Variants in ARGFX observed in about 807,000 individuals in gnomAD.
ARGFX encodes arginine-fifty homeobox.
Under a neutral mutation model 8.0 loss-of-function variants are expected in ARGFX, and 10 were observed. That is an observed-to-expected ratio of 1.25 (90% CI 0.77 to 2.12). The LOEUF is 2.12. Ranked by LOEUF, ARGFX falls within the 30% of genes most tolerant of loss-of-function variation. ARGFX has a pLI of 0.00. For missense variants in ARGFX, 282 were observed against 324.3 expected (o/e 0.87, Z 1.00); for synonymous variants, 116 against 117.8 (o/e 0.98, Z 0.10).
intron 2 of ARGFX, among the ~76,000 whole-genome samples, chr3:121,575,420 T>G (rs955518143): frequency 6.6e-6 from 1 of 152,152 alleles, no homozygotes; most frequent in Non-Finnish European, 1.5e-5. Flanking sequence ...AGCTGTAAAC[T>G]CATTTAAAGT....
chr3:121,581,556 T>C (rs987818391), intron 3 of ARGFX, among the ~76,000 whole-genome samples: 1 of 152,164 alleles, frequency 6.6e-6, no homozygotes, highest in Admixed American at 6.5e-5. Context: ...CCAAGCATAC[T>C]AGTTTCCCAA....
chr3:121,583,405 T>C (rs1186119391), intron 3 of ARGFX, among the ~76,000 whole-genome samples: 1 of 152,006 alleles, frequency 6.6e-6, no homozygotes, highest in Non-Finnish European at 1.5e-5. Flanking sequence ...CAATCTTCTA[T>C]ACATATTTAT....
intron 2 of ARGFX, among the ~76,000 whole-genome samples, chr3:121,574,430 G>C (rs1326534967): frequency 6.6e-6 from 1 of 152,202 alleles, no homozygotes; most frequent in Non-Finnish European, 1.5e-5. Context: ...ACCTGAGCTT[G>C]TTTTCCTGTA....
chr3:121,577,257 A>ATTT lies in ARGFX; in HGVS notation c.220+358_220+359insTTT, dbSNP rs1451662475. Among the ~76,000 whole-genome samples the ATTT allele has an allele frequency of 5.0e-3, 284 of 56,366 alleles. 1 individual carries two copies. The highest frequency in any genetic ancestry group is 0.013 in the African/African-American group (210 of 16,256). The allele number at this position is 56,366 out of a possible 152,430, so 37.0% of individuals were successfully genotyped here. ...TATATATATATATATATATATATATATATTTTTTTTTTTTTAAATGGAGTC... is the reference window on the plus strand; with the variant it reads ...TATATATATATATATATATATATATATTTTATTTTTTTTTTTTTAAATGGAGTC... On this transcript the variant is annotated intron_variant, in intron 3 of 4. Transcript: ENST00000334384.
At chr3:121,571,841 T>C (rs2048710563) in intron 2 of ARGFX, among the ~76,000 whole-genome samples, 1 of 151,342 alleles carries the variant, frequency 6.6e-6, no homozygotes, top group African/African-American at 2.4e-5. Flanking sequence ...GTTTGTTTGT[T>C]TTTGAGATGG....
chr3:121,583,463 G>T lies in ARGFX; in HGVS notation c.221-1454G>T, dbSNP rs145829744. Among the ~76,000 whole-genome samples, 791 of 150,088 alleles carry T rather than the reference G, an allele frequency of 5.3e-3. 6 individuals carry two copies. The highest frequency in any genetic ancestry group is 9.1e-3 in the Non-Finnish European group (618 of 67,564). ...TTATTTTATTTTATTTTGAGACAGG[G>T]TCTCACTCTGTCACCCAGGCTGACA... On this transcript the variant is annotated intron_variant, in intron 3 of 4. Transcript: ENST00000334384.
chr3:121,570,733 C>T lies in ARGFX; in HGVS notation c.20C>T (p.Pro7Leu), dbSNP rs775007494. The T allele has an allele frequency of 6.6e-5, 107 of 1,610,282 alleles. No individual in the cohort carries two copies. Among genetic ancestry groups the T allele is most frequent in the Admixed American group, 2.5e-4 (15 of 59,408 alleles). Residue 7 changes from proline (P) to leucine (L), a missense_variant, in exon 2 of 5, where the codon CCA (proline) becomes CTA (leucine). By Grantham distance (98) the Pro-to-Leu change is moderately conservative. Transcript: ENST00000334384. ...GAAACCATGAGGAACAGAATGGCCC[C>T]AGAGAATCCCCAGCCAGACCCTTTC... MRNRMAPENPQPDPFIN... is the reference protein window; with the variant it reads MRNRMALENPQPDPFIN...
rs1457074164 is a variant in ARGFX, at chr3:121,587,241, G to T, written c.*641G>T. ...TAACTTTTGTATTTTTAGTAGAGAC[G>T]GGGTTTCACCACGTTGCCCAGGCTG... On this transcript the variant is annotated 3_prime_UTR_variant, in exon 5 of 5. Coordinates refer to ENST00000334384, the MANE Select transcript of ARGFX (RefSeq NM_001012659.2). Among the ~76,000 whole-genome samples, 1 of 152,006 alleles carries T rather than the reference G, an allele frequency of 6.6e-6. No individual in the cohort carries two copies. The highest frequency in any genetic ancestry group is 1.5e-5 in the Non-Finnish European group (1 of 68,004).
chr3:121,583,554 C>T (rs2048792850), intron 3 of ARGFX, among the ~76,000 whole-genome samples: 4 of 151,870 alleles, frequency 2.6e-5, no homozygotes, highest in Non-Finnish European at 1.5e-5. Flanking sequence ...AGGCAATTCT[C>T]CCACCTCAGC....
chr3:121,577,259 A>ATATATATATATATTTT (rs1403064031), intron 3 of ARGFX, among the ~76,000 whole-genome samples: 3 of 59,616 alleles, frequency 5.0e-5, no homozygotes, highest in African/African-American at 1.2e-4. Flanking sequence ...ATATATATAT[A>ATATATATATATATTTT]TTTTTTTTTT....
At chr3:121,575,086 G>A (rs1480119240) in intron 2 of ARGFX, among the ~76,000 whole-genome samples, 2 of 152,186 alleles carry the variant, frequency 1.3e-5, no homozygotes, top group African/African-American at 2.4e-5. Flanking sequence ...TTGGGAGGCC[G>A]AGGCAGGCGG....
chr3:121,584,255 GA>G (rs1306187711), intron 3 of ARGFX, among the ~76,000 whole-genome samples: 86 of 150,648 alleles, frequency 5.7e-4, no homozygotes, highest in African/African-American at 2.1e-3. Flanking sequence ...AGGAAGGAAG[GA>G]AGGAAGGAAG....
At chr3:121,568,356 T>G (rs1241255467) in intron 1 of ARGFX, among the ~76,000 whole-genome samples, 3 of 152,252 alleles carry the variant, frequency 2.0e-5, no homozygotes, top group African/African-American at 7.2e-5. Context: ...CTTCGTTCAT[T>G]GCAGAATCCA....
intron 1 of ARGFX, 25 bp from the exon 2 acceptor site, chr3:121,570,677 C>T (rs755050412): frequency 6.8e-7 from 1 of 1,477,156 alleles, no homozygotes; most frequent in Non-Finnish European, 9.3e-7. Context: ...TCAGCATTCC[C>T]TATCTCATAG....
chr3:121,584,022 GT>G (rs2048795706), intron 3 of ARGFX, among the ~76,000 whole-genome samples: 1 of 152,034 alleles, frequency 6.6e-6, no homozygotes, highest in African/African-American at 2.4e-5. Flanking sequence ...GAAAGAAAAA[GT>G]TTTTTAATTA....
In ARGFX at chr3:121,589,137, T is replaced by C. The variant is rs1022503536; in HGVS notation, c.*2537T>C. 6.6e-6 allele frequency among the ~76,000 whole-genome samples: 1 copy of C among 152,228 alleles called. No homozygotes were observed. The highest frequency in any genetic ancestry group is 2.4e-5 in the African/African-American group (1 of 41,546). On this transcript the variant is annotated 3_prime_UTR_variant, in exon 5 of 5. Coordinates refer to ENST00000334384, the MANE Select transcript of ARGFX (RefSeq NM_001012659.2). ...CTGCAGTGAGCTGTGACTGTGCCAC[T>C]GCACTCCAGCTTGAGCAACACAGTG...
intron 2 of ARGFX, among the ~76,000 whole-genome samples, chr3:121,571,473 G>T (rs1488123355): frequency 3.3e-5 from 5 of 151,856 alleles, no homozygotes; most frequent in African/African-American, 1.2e-4. Context: ...TGAAAGACTT[G>T]TCCATTGAAA....
At chr3:121,579,951 T>C (rs1489403690) in intron 3 of ARGFX, among the ~76,000 whole-genome samples, 20 of 78,424 alleles carry the variant, frequency 2.6e-4, no homozygotes, top group Admixed American at 8.5e-4. Context: ...TTTTCTTTTT[T>C]TTTTTTTTTT....
intron 3 of ARGFX, among the ~76,000 whole-genome samples, chr3:121,579,042 C>T (rs1408431116): frequency 6.6e-6 from 1 of 152,128 alleles, no homozygotes; most frequent in African/African-American, 2.4e-5. Flanking sequence ...CTGCTTAAAA[C>T]TTTTCCACAG....
Sources: gnomAD v4.1 joint callset for allele counts (sites outside exome capture counted in the v4.1 genomes callset) on GRCh38, gnomAD v4.1.1 for gene constraint, MANE v1.5 for transcripts, NCBI Gene and HGNC (gene_info 2026-07-23, HGNC 2026-07-21) for gene names.